The following NXPE2 variants were observed in gnomAD, a reference collection of about 807,000 sequenced individuals.
NXPE2 encodes neurexophilin and PC-esterase domain family member 2.
A neutral mutation model predicts 34.4 loss-of-function variants in NXPE2; 34 were observed. That is an observed-to-expected ratio of 0.99 (90% CI 0.75 to 1.31). The LOEUF is 1.31. Ranked by LOEUF, NXPE2 falls within the 40% of genes most tolerant of loss-of-function variation. The pLI is 0.00. For synonymous variants in NXPE2, 235 were observed against 231.3 expected (o/e 1.02, Z -0.15); for missense variants, 649 against 672.5 (o/e 0.97, Z 0.39).
chr11:114,803,484 G>A, the NXPE2 span, among the ~76,000 whole-genome samples: 1 of 152,124 alleles, frequency 6.6e-6, no homozygotes, highest in Non-Finnish European at 1.5e-5. Flanking sequence ...AGGCACTGGT[G>A]GTATCTGGTG....
At chr11:114,482,925 C>T in the NXPE2 span, among the ~76,000 whole-genome samples, 1 of 152,162 alleles carries the variant, frequency 6.6e-6, no homozygotes, top group African/African-American at 2.4e-5. Context: ...CATTGGATTA[C>T]AACAGTTAGG....
chr11:114,537,261 G>A, the NXPE2 span, among the ~76,000 whole-genome samples: 1 of 152,136 alleles, frequency 6.6e-6, no homozygotes, highest in Non-Finnish European at 1.5e-5. Flanking sequence ...CAATAAATTA[G>A]GTATTGATGG....
chr11:114,768,191 T>C, the NXPE2 span, among the ~76,000 whole-genome samples: 8 of 152,238 alleles, frequency 5.3e-5, no homozygotes, highest in Non-Finnish European at 1.0e-4. Context: ...TTCTTGTTTT[T>C]GTCAGGTTTG....
the NXPE2 span, among the ~76,000 whole-genome samples, chr11:114,491,245 A>G: frequency 2.0e-5 from 3 of 151,624 alleles, no homozygotes; most frequent in Non-Finnish European, 4.4e-5. Context: ...AATGGGAGAA[A>G]ATTTTCGCAA....
At chr11:114,522,257 C>A in the NXPE2 span, 3 of 1,613,780 alleles carry the variant, frequency 1.9e-6, no homozygotes, top group African/African-American at 1.3e-5. Context: ...GATGGCCCTG[C>A]GAATAAAAAT....
chr11:114,776,407 G>A, the NXPE2 span, among the ~76,000 whole-genome samples: 1 of 152,278 alleles, frequency 6.6e-6, no homozygotes, highest in Non-Finnish European at 1.5e-5. Flanking sequence ...AGACGGCCTT[G>A]CCTTGCGTGA....
At chr11:114,603,978 G>A in the NXPE2 span, among the ~76,000 whole-genome samples, 1 of 151,522 alleles carries the variant, frequency 6.6e-6, no homozygotes, top group African/African-American at 2.4e-5. Flanking sequence ...TTACCTGGTG[G>A]ATAATAAGTA....
chr11:114,557,655 A>G, the NXPE2 span, among the ~76,000 whole-genome samples: 5 of 141,738 alleles, frequency 3.5e-5, no homozygotes, highest in Non-Finnish European at 6.1e-5. Context: ...ATATATATAT[A>G]TATATATATA....
At chr11:114,706,230 A>G (rs1471986173) in intron 5 of NXPE2, among the ~76,000 whole-genome samples, 165 bp from the exon 6 acceptor site, 1 of 152,118 alleles carries the variant, frequency 6.6e-6, no homozygotes, top group Non-Finnish European at 1.5e-5. Flanking sequence ...AACAAGTTCA[A>G]TATTTTGTTA....
At chr11:114,715,667 C>A in the NXPE2 span, among the ~76,000 whole-genome samples, 1 of 152,084 alleles carries the variant, frequency 6.6e-6, no homozygotes, top group Non-Finnish European at 1.5e-5. Flanking sequence ...TTTAAGAAAG[C>A]AATTTTTATG....
the NXPE2 span, among the ~76,000 whole-genome samples, chr11:114,798,624 C>T: frequency 3.3e-5 from 5 of 152,226 alleles, no homozygotes; most frequent in African/African-American, 1.2e-4. Flanking sequence ...CCTCGTGATC[C>T]TCCCGCCTTG....
intron 2 of NXPE2, among the ~76,000 whole-genome samples, chr11:114,694,685 T>G (rs959444923): frequency 6.6e-6 from 1 of 152,170 alleles, no homozygotes; most frequent in Non-Finnish European, 1.5e-5. Flanking sequence ...ACTTTCAAGC[T>G]CTCTTATTTT....
At chr11:114,766,122 C>G in the NXPE2 span, among the ~76,000 whole-genome samples, 1 of 152,086 alleles carries the variant, frequency 6.6e-6, no homozygotes, top group Non-Finnish European at 1.5e-5. Context: ...CTTCTTCATT[C>G]CCCATTTTCA....
At chr11:114,607,558 C>T in the NXPE2 span, among the ~76,000 whole-genome samples, 3 of 152,036 alleles carry the variant, frequency 2.0e-5, no homozygotes, top group African/African-American at 4.8e-5. Context: ...AGTATTGCCT[C>T]GTGGGTAACC....
chr11:114,651,751 T>C, the NXPE2 span, among the ~76,000 whole-genome samples: 2 of 152,152 alleles, frequency 1.3e-5, no homozygotes, highest in African/African-American at 4.8e-5. Flanking sequence ...GATTGGTGTG[T>C]TTTTACAGAG....
At chr11:114,747,389 C>T in the NXPE2 span, among the ~76,000 whole-genome samples, 1 of 152,114 alleles carries the variant, frequency 6.6e-6, no homozygotes, top group Non-Finnish European at 1.5e-5. Context: ...TTTTCACTGC[C>T]TACACAGAAG....
the NXPE2 span, among the ~76,000 whole-genome samples, chr11:114,535,873 C>T: frequency 2.4e-4 from 37 of 152,200 alleles, no homozygotes; most frequent in South Asian, 1.7e-3. Flanking sequence ...GACAGATCAA[C>T]GAGACAGAAA....
chr11:114,756,744 T>C, the NXPE2 span, among the ~76,000 whole-genome samples: 4 of 152,218 alleles, frequency 2.6e-5, no homozygotes, highest in Non-Finnish European at 5.9e-5. Context: ...TTACTTGTTT[T>C]GTTTCTAGTT....
Position 114,698,651 on chromosome 11 carries a change from G to A in NXPE2, c.739G>A (p.Asp247Asn). The A allele has an allele frequency of 6.2e-7, 1 of 1,614,182 alleles. No individual in the cohort carries two copies. The highest frequency in any genetic ancestry group is 8.5e-7 in the Non-Finnish European group (1 of 1,180,016). ...TGCTGAACTGTGCCAGTACATGGAT[G>A]ACAGAGACCAAGAAGCCTTCTACTG... ...TNAELCQYMD[D>N]RDQEAFYCVR... Residue 247 changes from aspartate (D) to asparagine (N), a missense_variant, in exon 3 of 6, where the codon GAC (aspartate) becomes AAC (asparagine). Asp to Asn is a conservative substitution (Grantham distance 23). Transcript: ENST00000389586.
Sources: gnomAD v4.1 joint callset for allele counts (sites outside exome capture counted in the v4.1 genomes callset) on GRCh38, gnomAD v4.1.1 for gene constraint, MANE v1.5 for transcripts, NCBI Gene and HGNC (gene_info 2026-07-23, HGNC 2026-07-21) for gene names.